The following PLXDC2 variants were observed in gnomAD, a reference collection of about 807,000 sequenced individuals.
PLXDC2 encodes the protein plexin domain containing 2.
A neutral mutation model predicts 68.9 loss-of-function variants in PLXDC2; 40 were observed. That is an observed-to-expected ratio of 0.58 (90% CI 0.45 to 0.76). The LOEUF is 0.76. PLXDC2 is among the 30% of genes least tolerant of loss of function. The pLI is 0.00. For synonymous variants in PLXDC2, 243 were observed against 234.2 expected (o/e 1.04, Z -0.34); for missense variants, 644 against 661.9 (o/e 0.97, Z 0.30).
At chr10:20,152,537 G>A (rs1834165431) in intron 6 of PLXDC2, among the ~76,000 whole-genome samples, 1 of 151,988 alleles carries the variant, frequency 6.6e-6, no homozygotes, top group South Asian at 2.1e-4. Flanking sequence ...AATACAATAA[G>A]AATAATATTT....
chr10:20,168,754 CTTA>C (rs1834407854), intron 7 of PLXDC2, among the ~76,000 whole-genome samples: 1 of 152,102 alleles, frequency 6.6e-6, no homozygotes, highest in South Asian at 2.1e-4. Context: ...TAAAAATATA[CTTA>C]TTATGATTAG....
At chr10:20,047,122 T>G in intron 3 of PLXDC2, 107 bp downstream of exon 3, 1 of 1,159,858 alleles carries the variant, frequency 8.6e-7, no homozygotes, top group East Asian at 2.6e-5. Flanking sequence ...AATATTAGAA[T>G]GGCCTTATCT....
At chr10:19,987,472 G>T (rs1025897152) in intron 1 of PLXDC2, among the ~76,000 whole-genome samples, 4 of 151,878 alleles carry the variant, frequency 2.6e-5, no homozygotes, top group Non-Finnish European at 5.9e-5. Flanking sequence ...GGATGTAAAT[G>T]GATTGAAATT....
At chr10:19,843,813 G>A (rs1199385924) in intron 1 of PLXDC2, among the ~76,000 whole-genome samples, 2 of 152,078 alleles carry the variant, frequency 1.3e-5, no homozygotes, top group Non-Finnish European at 2.9e-5. Context: ...GTTGGTTAGT[G>A]GGTATAAACA....
chr10:19,846,921 A>G (rs72784112), intron 1 of PLXDC2, among the ~76,000 whole-genome samples: 6,798 of 152,226 alleles, frequency 0.045, 192 homozygotes, highest in Middle Eastern at 0.11. Flanking sequence ...CAGAAGGGAA[A>G]AGGCACGTCT....
intron 13 of PLXDC2, among the ~76,000 whole-genome samples, chr10:20,266,772 G>C (rs923359709): frequency 3.3e-5 from 5 of 152,030 alleles, no homozygotes; most frequent in Non-Finnish European, 5.9e-5. Context: ...TCTTATTCTT[G>C]GTGAATTCTA....
Position 20,256,926 on chromosome 10 carries a change from G to A in PLXDC2, c.1473+11421G>A, listed in dbSNP as rs529863790. Reference sequence around the variant, plus strand: ...GCAGGATAGCACTTCTTCAAAAGAAGCAGGGTCCATTCTTGTAGAGGAAAG... The same window carrying A: ...GCAGGATAGCACTTCTTCAAAAGAAACAGGGTCCATTCTTGTAGAGGAAAG... On this transcript the variant is annotated intron_variant, in intron 13 of 13. Transcript: ENST00000377252. 2.0e-5 allele frequency among the ~76,000 whole-genome samples: 3 copies of A among 152,310 alleles called. No homozygotes were observed. The South Asian group carries it at 6.2e-4, about 32-fold the overall frequency.
intron 12 of PLXDC2, among the ~76,000 whole-genome samples, chr10:20,220,589 A>G (rs1207696197): frequency 6.6e-6 from 1 of 151,914 alleles, no homozygotes; most frequent in African/African-American, 2.4e-5. Flanking sequence ...GATTCTTGTG[A>G]TCGAATAAGT....
At chr10:19,843,767 G>A (rs2131320020) in intron 1 of PLXDC2, among the ~76,000 whole-genome samples, 1 of 152,306 alleles carries the variant, frequency 6.6e-6, no homozygotes, top group South Asian at 2.1e-4. Flanking sequence ...CAGAGCCTGG[G>A]AAGAGTGTGT....
intron 10 of PLXDC2, among the ~76,000 whole-genome samples, chr10:20,216,318 C>T (rs1021330002): frequency 1.3e-5 from 2 of 152,016 alleles, no homozygotes; most frequent in African/African-American, 4.8e-5. Flanking sequence ...AAACATTTTC[C>T]ACTACAGATA....
chr10:20,002,095 G>A, intron 2 of PLXDC2, 109 bp downstream of exon 2: 2 of 1,117,688 alleles, frequency 1.8e-6, no homozygotes, highest in Non-Finnish European at 2.5e-6. Flanking sequence ...TAGAAATTTT[G>A]GATTTCTTTT....
In PLXDC2 at chr10:20,283,342, A is replaced by G. The variant is rs1836105672; in HGVS notation, c.*3523A>G. 1 of 152,218 alleles carries G rather than the reference A, an allele frequency of 6.6e-6. No homozygotes were observed. The allele number at this position is 152,218 out of a possible 1,614,324, so 9.4% of individuals were successfully genotyped here. A position where few individuals can be genotyped will look rare whatever the true frequency, so the allele number is the denominator to read the frequency against. On this transcript the variant is annotated 3_prime_UTR_variant, in exon 14 of 14. Coordinates refer to ENST00000377252, the MANE Select transcript of PLXDC2 (RefSeq NM_032812.9). The stretch of plus-strand genomic sequence containing the variant: ...GTCCTGTCTTTCTTGCAAGATTATT[A>G]TGCAACCTGATTAAATGTACAGATG...
At chr10:20,159,751 A>G in intron 6 of PLXDC2, among the ~76,000 whole-genome samples, 1 of 152,142 alleles carries the variant, frequency 6.6e-6, no homozygotes, top group East Asian at 1.9e-4. Flanking sequence ...AGCTGTAGAG[A>G]CAACCTTTTA....
chr10:20,110,721 AT>A (rs1322928408), intron 4 of PLXDC2, among the ~76,000 whole-genome samples: 1 of 152,172 alleles, frequency 6.6e-6, no homozygotes, highest in Non-Finnish European at 1.5e-5. Context: ...GGATTGGGGA[AT>A]CAGCATCTCC....
intron 6 of PLXDC2, among the ~76,000 whole-genome samples, chr10:20,153,760 C>T (rs1309571613): frequency 3.3e-5 from 5 of 152,116 alleles, no homozygotes; most frequent in Non-Finnish European, 5.9e-5. Flanking sequence ...AGTAACTTTT[C>T]CAAAGATATG....
At chr10:19,983,420 G>A (rs1344602745) in intron 1 of PLXDC2, among the ~76,000 whole-genome samples, 1 of 152,214 alleles carries the variant, frequency 6.6e-6, no homozygotes, top group East Asian at 1.9e-4. Context: ...GTTTTGTATT[G>A]TTTGTTTTGT....
chr10:19,990,733 TAATCAGTGTAAATATATGC>T (rs1030289117), intron 1 of PLXDC2, among the ~76,000 whole-genome samples: 2 of 152,214 alleles, frequency 1.3e-5, no homozygotes, highest in African/African-American at 4.8e-5. Flanking sequence ...TTAAATTATG[TAATCAGTGTAAATATATGC>T]AATCATGCAA....
chr10:20,241,066 ACT>A (rs1204234102), intron 12 of PLXDC2, among the ~76,000 whole-genome samples: 1 of 152,224 alleles, frequency 6.6e-6, no homozygotes, highest in Non-Finnish European at 1.5e-5. Context: ...AATAAACTAG[ACT>A]CTGTACAAAT....
At chr10:19,916,453 A>T (rs1833368164) in intron 1 of PLXDC2, among the ~76,000 whole-genome samples, 1 of 151,700 alleles carries the variant, frequency 6.6e-6, no homozygotes, top group African/African-American at 2.4e-5. Flanking sequence ...CCAACCTGGA[A>T]GGGGACTTTT....
Sources: gnomAD v4.1 joint callset for allele counts (sites outside exome capture counted in the v4.1 genomes callset) on GRCh38, gnomAD v4.1.1 for gene constraint, MANE v1.5 for transcripts, NCBI Gene and HGNC (gene_info 2026-07-23, HGNC 2026-07-21) for gene names.